ANO4: variants seen among roughly 807,000 people sequenced by gnomAD.
The protein encoded by ANO4 is anoctamin 4, also known as anoctamin-4.
Under a neutral mutation model 141.9 loss-of-function variants are expected in ANO4, and 69 were observed. The ratio of observed to expected loss-of-function variants is 0.49; its 90% CI spans 0.40 to 0.59. ANO4 has a LOEUF of 0.59. ANO4 is among the 20% of genes least tolerant of loss of function. The pLI is 0.00. For missense variants in ANO4, 894 were observed against 1,162.2 expected (o/e 0.77, Z 3.36); for synonymous variants, 350 against 394.3 (o/e 0.89, Z 1.33).
chr12:100,921,486 C>T (rs557562091), intron 2 of ANO4, among the ~76,000 whole-genome samples: 13 of 152,240 alleles, frequency 8.5e-5, no homozygotes, highest in African/African-American at 3.1e-4. Context: ...CTCCTCAAAT[C>T]GGAGACGTTC....
intron 1 of ANO4, among the ~76,000 whole-genome samples, chr12:100,887,554 T>C (rs888053617): frequency 6.6e-6 from 1 of 152,056 alleles, no homozygotes; most frequent in Admixed American, 6.6e-5. Context: ...CAAGAAGTAT[T>C]GATGTCATGT....
At chr12:100,866,437 G>T (rs1186059164) in intron 1 of ANO4, among the ~76,000 whole-genome samples, 3 of 152,122 alleles carry the variant, frequency 2.0e-5, no homozygotes, top group African/African-American at 7.2e-5. Flanking sequence ...CCAAACCTTC[G>T]TTCTGCAGAA....
chr12:100,920,525 A>G (rs926493272), intron 2 of ANO4, among the ~76,000 whole-genome samples: 7 of 31,116 alleles, frequency 2.2e-4, no homozygotes, highest in South Asian at 1.2e-3. Flanking sequence ...TTCTTTACCC[A>G]TTAGAAGTAA....
At chr12:101,063,474 A>G (rs1219624966) in intron 14 of ANO4, among the ~76,000 whole-genome samples, 2 of 152,220 alleles carry the variant, frequency 1.3e-5, no homozygotes, top group Non-Finnish European at 2.9e-5. Flanking sequence ...TTGATTTGCT[A>G]AAATACTTTC....
In ANO4 at chr12:101,020,067, C is replaced by A. The variant is rs2046461045; in HGVS notation, c.768C>A (p.Asn256Lys). 1.2e-6 allele frequency: 2 copies of A among 1,613,308 alleles called. No homozygotes were observed. Among genetic ancestry groups the A allele is most frequent in the African/African-American group, 2.7e-5 (2 of 74,872 alleles). ...TACACAACAAAGAAACGTTCTTCAACAATGCCACAAGAAGTAGAATCGTGC... is the reference window on the plus strand; with the variant it reads ...TACACAACAAAGAAACGTTCTTCAAAAATGCCACAAGAAGTAGAATCGTGC... Reference protein sequence around the residue: ...FIIHNKETFFNNATRSRIVHH... With the variant: ...FIIHNKETFFKNATRSRIVHH... Residue 256 changes from asparagine to lysine, a missense_variant, in exon 9 of 28, where the codon AAC (asparagine) becomes AAA (lysine). By Grantham distance (94) the Asn-to-Lys change is moderately conservative. Transcript: ENST00000392977.
chr12:100,860,686 A>G (rs141132967), intron 1 of ANO4, among the ~76,000 whole-genome samples: 176 of 152,332 alleles, frequency 1.2e-3, no homozygotes, highest in African/African-American at 3.8e-3. Context: ...AGCCTCCTCT[A>G]TACCAGGCAT....
chr12:100,865,350 A>T (rs919254975), intron 1 of ANO4, among the ~76,000 whole-genome samples: 2 of 152,216 alleles, frequency 1.3e-5, no homozygotes, highest in Admixed American at 6.5e-5. Flanking sequence ...ACAGCTAAAG[A>T]AACTATCATC....
intron 9 of ANO4, among the ~76,000 whole-genome samples, chr12:101,026,463 C>G (rs2046741309): frequency 6.6e-6 from 1 of 152,092 alleles, no homozygotes; most frequent in African/African-American, 2.4e-5. Flanking sequence ...ACAAATTGAT[C>G]TATAGATTCA....
intron 14 of ANO4, among the ~76,000 whole-genome samples, chr12:101,076,016 G>A (rs966429424): frequency 5.9e-5 from 9 of 152,096 alleles, no homozygotes; most frequent in Admixed American, 3.3e-4. Flanking sequence ...CAAACATACC[G>A]ACAAGGGAAT....
chr12:100,820,354 T>C (rs1398432538), intron 1 of ANO4, among the ~76,000 whole-genome samples: 1 of 10,048 alleles, frequency 1.0e-4, no homozygotes. Flanking sequence ...AGTCGGTTTC[T>C]CAAAAAAAAA....
intron 1 of ANO4, among the ~76,000 whole-genome samples, chr12:100,830,240 G>A (rs1364258156): frequency 6.6e-6 from 1 of 151,996 alleles, no homozygotes; most frequent in African/African-American, 2.4e-5. Context: ...ACAGTTTGCT[G>A]TTAAAGGGAG....
chr12:100,724,410 G>T (rs938162994), intron 1 of ANO4, among the ~76,000 whole-genome samples: 2 of 152,210 alleles, frequency 1.3e-5, no homozygotes, highest in African/African-American at 4.8e-5. Flanking sequence ...CCCTCTGGGA[G>T]TCTGGGTCTC....
chr12:100,877,038 A>G (rs79658997), intron 1 of ANO4, among the ~76,000 whole-genome samples: 7,180 of 152,264 alleles, frequency 0.047, 225 homozygotes, highest in Middle Eastern at 0.092. Flanking sequence ...CAAATACTGC[A>G]TGATCTCACT....
intron 1 of ANO4, among the ~76,000 whole-genome samples, chr12:100,808,230 AT>A (rs987939470): frequency 5.9e-5 from 9 of 152,130 alleles, no homozygotes; most frequent in Middle Eastern, 6.8e-3. Flanking sequence ...AGTATCCTTT[AT>A]TTTTTGACTT....
intron 12 of ANO4, among the ~76,000 whole-genome samples, chr12:101,043,224 A>G (rs1328563744): frequency 6.6e-6 from 1 of 152,226 alleles, no homozygotes; most frequent in Non-Finnish European, 1.5e-5. Flanking sequence ...TTAATTCAGT[A>G]TGAAATTGCT....
intron 1 of ANO4, among the ~76,000 whole-genome samples, chr12:100,801,893 T>C (rs1348330010): frequency 6.6e-6 from 1 of 152,180 alleles, no homozygotes; most frequent in African/African-American, 2.4e-5. Flanking sequence ...AAATGCCAAA[T>C]AGAAATTTGT....
At chr12:100,998,991 G>T (rs1283069462) in intron 8 of ANO4, among the ~76,000 whole-genome samples, 1 of 152,188 alleles carries the variant, frequency 6.6e-6, no homozygotes, top group South Asian at 2.1e-4. Flanking sequence ...GCACAGAAGG[G>T]TTAAGTAACT....
chr12:100,734,766 A>G (rs577138744), intron 2 of ANO4, among the ~76,000 whole-genome samples: 1 of 152,346 alleles, frequency 6.6e-6, no homozygotes, highest in Non-Finnish European at 1.5e-5. Flanking sequence ...GCAAAGCATT[A>G]ATGATGAACC....
Position 100,893,331 on chromosome 12 carries a change from G to T in ANO4, c.-140-8315G>T, listed in dbSNP as rs137985906. Among the ~76,000 whole-genome samples the T allele has an allele frequency of 1.5e-3, 225 of 152,040 alleles. 6 individuals carry two copies. Among genetic ancestry groups the T allele is most frequent in the African/African-American group, 5.2e-3 (217 of 41,420 alleles). On this transcript the variant is annotated intron_variant, in intron 1 of 27. Coordinates refer to ENST00000392977, the MANE Select transcript of ANO4 (RefSeq NM_001286615.2). The stretch of plus-strand genomic sequence containing the variant: ...CACCTTATGGAGACCATTATTGGAG[G>T]TGTGTTCATCAAGTTTTTTCTATGA...
Sources: allele counts gnomAD v4.1 joint callset (sites outside exome capture counted in the v4.1 genomes callset), GRCh38; gene constraint gnomAD v4.1.1; transcripts MANE v1.5; gene names NCBI Gene and HGNC (gene_info 2026-07-23, HGNC 2026-07-21).